The following BCL7C variants were observed in gnomAD, a reference collection of about 807,000 sequenced individuals.
BCL7C encodes BAF chromatin remodeling complex subunit BCL7C.
A neutral mutation model predicts 26.2 loss-of-function variants in BCL7C; 8 were observed. The ratio of observed to expected loss-of-function variants is 0.30; its 90% CI spans 0.18 to 0.55. The LOEUF (loss-of-function observed/expected upper bound fraction) is 0.55, where lower values mean the gene tolerates loss of function less well. Ranked by LOEUF, BCL7C falls within the 20% of genes least tolerant of loss-of-function variation. BCL7C has a pLI of 0.93. For synonymous variants in BCL7C, 90 were observed against 116.5 expected (o/e 0.77, Z 1.47); for missense variants, 262 against 298.5 (o/e 0.88, Z 0.90).
At chr16:30,841,953 C>CAAAA (rs1183661130) in intron 5 of BCL7C, among the ~76,000 whole-genome samples, 3 of 22,240 alleles carry the variant, frequency 1.3e-4, no homozygotes, top group African/African-American at 1.8e-4. Context: ...GACTCCATCT[C>CAAAA]AAAAAAAAAA....
chr16:30,833,869 G>A (rs1367815840), exon 6 of BCL7C: 1 of 152,130 alleles, frequency 6.6e-6, no homozygotes, highest in Non-Finnish European at 1.5e-5. Flanking sequence ...GTTAACCCAC[G>A]GCCTTAACCC....
intron 5 of BCL7C, among the ~76,000 whole-genome samples, chr16:30,846,914 TG>T (rs1459732499): frequency 2.0e-5 from 3 of 152,224 alleles, no homozygotes; most frequent in Non-Finnish European, 4.4e-5. Context: ...GCACATGCCT[TG>T]GGAACCCAAA....
At chr16:30,881,281 A>C (rs2143092116) in intron 5 of BCL7C, among the ~76,000 whole-genome samples, 1 of 152,130 alleles carries the variant, frequency 6.6e-6, no homozygotes, top group African/African-American at 2.4e-5. Context: ...CTGTAATCTC[A>C]GCTATTTGGG....
intron 5 of BCL7C, 33 bp downstream of exon 5, chr16:30,888,827 G>A (rs1220112884): frequency 6.2e-7 from 1 of 1,605,080 alleles, no homozygotes; most frequent in Admixed American, 1.7e-5. Context: ...TTCCCTCCAA[G>A]ACCCAGGAGT....
At chr16:30,888,587 C>T (rs926677600) in intron 5 of BCL7C, 2 of 257,554 alleles carry the variant, frequency 7.8e-6, no homozygotes, top group East Asian at 9.6e-5. Flanking sequence ...CACCCGCCTC[C>T]GCCTCCCAAA....
chr16:30,871,964 G>A (rs1448667301), intron 5 of BCL7C, among the ~76,000 whole-genome samples: 2 of 152,040 alleles, frequency 1.3e-5, no homozygotes, highest in African/African-American at 2.4e-5. Context: ...GAGTTAAATC[G>A]GTGTTGAACA....
Position 30,834,243 on chromosome 16 carries a change from G to A in BCL7C, c.*705C>T, listed in dbSNP as rs2054556387. 1 of 152,214 alleles carries A rather than the reference G, an allele frequency of 6.6e-6. No individual in the cohort carries two copies. The highest frequency in any genetic ancestry group is 2.1e-4 in the South Asian group (1 of 4,834). 9.4% of individuals were successfully genotyped at this position (152,214 alleles called of 1,614,324 possible). A position where few individuals can be genotyped will look rare whatever the true frequency, so the allele number is the denominator to read the frequency against. Reference sequence around the variant, plus strand: ...GCCAGAAGTCTCCACGCCTCCACCCGAGGCGGGCGCCTGGGCTGAAAGGCC... The same window carrying A: ...GCCAGAAGTCTCCACGCCTCCACCCAAGGCGGGCGCCTGGGCTGAAAGGCC... On this transcript the variant is annotated 3_prime_UTR_variant, in exon 6 of 6. Coordinates refer to the BCL7C transcript ENST00000380317. This position sits in a 1 kb window ranked among gnomAD's most constrained non-coding sequence, Gnocchi z 4.3.
At chr16:30,835,199 C>A in intron 5 of BCL7C, 1 of 1,397,500 alleles carries the variant, frequency 7.2e-7, no homozygotes, top group Non-Finnish European at 9.4e-7. Context: ...CTCCCCACCT[C>A]ACTGAGTTTC....
At chr16:30,868,927 C>G (rs952892508) in intron 5 of BCL7C, among the ~76,000 whole-genome samples, 4 of 151,828 alleles carry the variant, frequency 2.6e-5, no homozygotes, top group Non-Finnish European at 5.9e-5. Flanking sequence ...TTCCACATTA[C>G]ACTTTTAAAA....
rs543690251 is a variant in BCL7C, at chr16:30,892,897, G to A, written c.223C>T (p.Arg75Trp). Reference protein sequence around the residue: ...GAERSRGRERRGRGASPRGGG... With the variant: ...GAERSRGRERWGRGASPRGGG... ...CCTCGGGGACTGGCGCCCCTGCCCC[G>A]ACGTTCCCGGCCACGGGATCTCTCT... is the stretch of plus-strand genomic sequence containing the variant. Residue 75 changes from arginine to tryptophan, a missense_variant, in exon 3 of 6, where the codon CGG (arginine) becomes TGG (tryptophan). Transcript: ENST00000215115. 10 of 1,612,742 alleles carry A rather than the reference G, an allele frequency of 6.2e-6. No homozygotes were observed. The highest frequency in any genetic ancestry group is 4.5e-5 in the East Asian group (2 of 44,876).
intron 5 of BCL7C, among the ~76,000 whole-genome samples, chr16:30,864,622 A>C (rs886851211): frequency 6.6e-6 from 1 of 151,954 alleles, no homozygotes; most frequent in Admixed American, 6.6e-5. Context: ...CCAACACTTC[A>C]CCACTATTTT....
intron 5 of BCL7C, among the ~76,000 whole-genome samples, chr16:30,837,376 G>T (rs1273644673): frequency 3.3e-5 from 5 of 151,898 alleles, no homozygotes; most frequent in Non-Finnish European, 7.4e-5. Flanking sequence ...TTTTTTTGAG[G>T]CGGAGTTTTG....
At chr16:30,870,157 T>G (rs750362836) in intron 5 of BCL7C, among the ~76,000 whole-genome samples, 2 of 152,180 alleles carry the variant, frequency 1.3e-5, no homozygotes, top group African/African-American at 2.4e-5. Flanking sequence ...TCAAGGATTC[T>G]CATCTCCTTT....
chr16:30,887,604 A>G (rs955032982), downstream of BCL7C, among the ~76,000 whole-genome samples: 2 of 151,678 alleles, frequency 1.3e-5, no homozygotes, highest in African/African-American at 4.8e-5. Context: ...GAAGGTCGGG[A>G]GATAGGACAG....
chr16:30,859,322 A>C (rs1464794738), intron 5 of BCL7C, among the ~76,000 whole-genome samples: 1 of 152,182 alleles, frequency 6.6e-6, no homozygotes, highest in Non-Finnish European at 1.5e-5. Flanking sequence ...TGAGTAATGA[A>C]AATCCTAATA....
intron 5 of BCL7C, among the ~76,000 whole-genome samples, chr16:30,870,673 T>C (rs1160951440): frequency 1.3e-5 from 2 of 151,770 alleles, no homozygotes; most frequent in African/African-American, 4.8e-5. Flanking sequence ...CACCAAAAAA[T>C]AAAATAAAAT....
chr16:30,851,250 T>TC, intron 5 of BCL7C: 2 of 274,762 alleles, frequency 7.3e-6, no homozygotes, highest in Non-Finnish European at 1.4e-5. Flanking sequence ...TCAACATTTT[T>TC]TTTTTTTTGA....
chr16:30,863,138 A>G (rs768670807), intron 5 of BCL7C, among the ~76,000 whole-genome samples: 9 of 151,728 alleles, frequency 5.9e-5, no homozygotes, highest in Non-Finnish European at 7.4e-5. Flanking sequence ...CCACTTCCCC[A>G]TATTTCCTTC....
intron 5 of BCL7C, among the ~76,000 whole-genome samples, chr16:30,877,608 T>C (rs952915339): frequency 3.3e-5 from 5 of 151,730 alleles, no homozygotes; most frequent in African/African-American, 1.2e-4. Context: ...CCCAGCTAAT[T>C]TGTTGTATTT....
Sources: allele counts gnomAD v4.1 joint callset (sites outside exome capture counted in the v4.1 genomes callset), GRCh38; gene constraint gnomAD v4.1.1; non-coding constraint Gnocchi (gnomAD v3.1); transcripts MANE v1.5; gene names NCBI Gene and HGNC (gene_info 2026-07-23, HGNC 2026-07-21).